FAM153A: variants seen among roughly 807,000 people sequenced by gnomAD.
FAM153A encodes protein FAM153A.
Under a neutral mutation model 48.1 loss-of-function variants are expected in FAM153A, and 12 were observed. The observed-to-expected ratio is 0.25, with a 90% confidence interval of 0.16 to 0.40. The LOEUF (loss-of-function observed/expected upper bound fraction) is 0.40, where lower values mean the gene tolerates loss of function less well. Ranked by LOEUF, FAM153A falls within the 10% of genes least tolerant of loss-of-function variation. FAM153A has a pLI of 1.00. For missense variants in FAM153A, 111 were observed against 345.8 expected (o/e 0.32, Z 5.38); for synonymous variants, 36 against 118.2 (o/e 0.30, Z 4.51).
chr5:177,773,017 A>C lies in FAM153A; in HGVS notation c.-57+7432T>G, dbSNP rs1254161181. On this transcript the variant is annotated intron_variant, in intron 1 of 8. Transcript: ENST00000393518. Reference sequence around the variant, plus strand: ...GGGGCACACTGACACCTCACAAGGCAGGGTATTCCAACAGACGTGCAGCTG... The same window carrying C: ...GGGGCACACTGACACCTCACAAGGCCGGGTATTCCAACAGACGTGCAGCTG... Among the ~76,000 whole-genome samples the C allele has an allele frequency of 4.6e-4, 21 of 45,786 alleles. 7 individuals carry two copies. The highest frequency in any genetic ancestry group is 1.3e-3 in the African/African-American group (21 of 16,354). The allele number at this position is 45,786 out of a possible 152,430, so 30.0% of individuals were successfully genotyped here. A position where few individuals can be genotyped will look rare whatever the true frequency, so the allele number is the denominator to read the frequency against.
In FAM153A at chr5:177,741,363, T is replaced by C. The variant is rs762408233; in HGVS notation, c.365-31A>G. 2.1e-5 allele frequency: 10 copies of C among 485,170 alleles called. 1 individual carries two copies. The highest frequency in any genetic ancestry group is 3.2e-5 in the Non-Finnish European group (10 of 317,090). The allele number at this position is 485,170 out of a possible 1,614,324, so 30.1% of individuals were successfully genotyped here. A position where few individuals can be genotyped will look rare whatever the true frequency, so the allele number is the denominator to read the frequency against. ...AAACACAGAGTAATTGTCAGCACGT[T>C]GGGTGCACTGAAGGAATCCGTCAGG... On this transcript the variant is annotated intron_variant, in intron 6 of 20. Transcript: ENST00000614127.
chr5:177,699,082 C>T, the FAM153A span, among the ~76,000 whole-genome samples: 1,976 of 151,836 alleles, frequency 0.013, 96 homozygotes, highest in African/African-American at 0.046. Flanking sequence ...TCTACAGGTA[C>T]ATGCTTCTGC....
chr5:177,715,703 TGTTA>T (rs1045472671), intron 25 of FAM153A, among the ~76,000 whole-genome samples: 4 of 151,798 alleles, frequency 2.6e-5, no homozygotes, highest in African/African-American at 9.7e-5. Context: ...ACACTTTTTT[TGTTA>T]GTTTTTTTTG....
chr5:177,709,615 C>T (rs1186937010), downstream of FAM153A, among the ~76,000 whole-genome samples: 1 of 148,572 alleles, frequency 6.7e-6, no homozygotes. Context: ...CCCGCCTCGG[C>T]CTCCCAAAGT....
At chr5:177,716,478 C>T (rs1187862100) in intron 24 of FAM153A, 1 of 151,778 alleles carries the variant, frequency 6.6e-6, no homozygotes, top group African/African-American at 2.4e-5. Flanking sequence ...CTGTCATTTT[C>T]CTACTAAATT....
In FAM153A at chr5:177,729,558, A is replaced by G; in HGVS notation, c.863-3T>C. The G allele has an allele frequency of 2.5e-6, 4 of 1,609,082 alleles. No individual in the cohort carries two copies. The highest frequency in any genetic ancestry group is 3.4e-6 in the Non-Finnish European group (4 of 1,179,580). ...CTCCTCCAGGTCTTCCAGGTCACCT[A>G]GGAAACAGAGTCGCTATAAGCACAT... On this transcript the variant is annotated splice_polypyrimidine_tract_variant and splice_region_variant and intron_variant, in intron 16 of 20. Transcript: ENST00000614127.
exon 10 of FAM153A, chr5:177,739,131 C>T (rs3752841): frequency 1.4e-4 from 233 of 1,612,588 alleles, no homozygotes; most frequent in South Asian, 8.9e-4. Flanking sequence ...TGGGTGCCTG[C>T]GTCTGCCTGC....
chr5:177,730,207 G>A lies in FAM153A; in HGVS notation c.863-652C>T, dbSNP rs1205112572. Among the ~76,000 whole-genome samples, 26 of 113,372 alleles carry A rather than the reference G, an allele frequency of 2.3e-4. 2 individuals are homozygous for A. The highest frequency in any genetic ancestry group is 7.2e-4 in the African/African-American group (25 of 34,890). 74.4% of individuals were successfully genotyped at this position (113,372 alleles called of 152,430 possible). On this transcript the variant is annotated intron_variant, in intron 16 of 20. Transcript: ENST00000614127. ...ATGCTCACACTGACTCCAGCACTGG[G>A]ACAGCCTGTCATGGGGAGCAGCGAG...
chr5:177,781,614 C>A (rs1280585632), upstream of FAM153A: 1 of 58,704 alleles, frequency 1.7e-5, no homozygotes, highest in Non-Finnish European at 3.6e-5. Flanking sequence ...TTCTAAGAAC[C>A]TTCAGTAAAG....
the FAM153A span, among the ~76,000 whole-genome samples, chr5:177,701,964 G>A: frequency 2.6e-5 from 4 of 151,124 alleles, no homozygotes; most frequent in Non-Finnish European, 5.9e-5. Context: ...CGGGAGTGCA[G>A]TGGCGCAATC....
intron 1 of FAM153A, among the ~76,000 whole-genome samples, chr5:177,766,670 T>C (rs1768782922): frequency 2.3e-5 from 2 of 88,008 alleles, no homozygotes; most frequent in African/African-American, 8.6e-5. Flanking sequence ...CCTAAAGCCT[T>C]TGATGGTAAA....
intron 14 of FAM153A, among the ~76,000 whole-genome samples, chr5:177,733,663 T>C (rs1764221866): frequency 6.6e-6 from 1 of 151,536 alleles, no homozygotes; most frequent in African/African-American, 2.4e-5. Flanking sequence ...CCACTCTCCC[T>C]GCTCAAGATG....
At chr5:177,781,170 C>A, upstream of FAM153A, among the ~76,000 whole-genome samples, 1 of 112,430 alleles carries the variant, frequency 8.9e-6, no homozygotes, top group Non-Finnish European at 1.8e-5. Context: ...TGGATGGCGG[C>A]TCACTGCAAG....
intron 9 of FAM153A, 116 bp downstream of exon 11, chr5:177,739,484 C>T: frequency 9.3e-7 from 1 of 1,080,562 alleles, no homozygotes; most frequent in South Asian, 1.6e-5. Flanking sequence ...CCAAGAAATT[C>T]TGTAAGTCAT....
the FAM153A span, among the ~76,000 whole-genome samples, chr5:177,698,045 G>C: frequency 6.6e-6 from 1 of 151,122 alleles, no homozygotes; most frequent in Non-Finnish European, 1.5e-5. Flanking sequence ...TTGTGTTCCT[G>C]AGGTAAGTAA....
intron 13 of FAM153A, among the ~76,000 whole-genome samples, 186 bp downstream of exon 15, chr5:177,734,677 T>G (rs1445288238): frequency 6.7e-6 from 1 of 149,118 alleles, no homozygotes; most frequent in African/African-American, 2.6e-5. Flanking sequence ...AGGTGACTGA[T>G]GCTGTCATTT....
chr5:177,707,218 A>G (rs1372456595), downstream of FAM153A, among the ~76,000 whole-genome samples: 10 of 151,918 alleles, frequency 6.6e-5, no homozygotes, highest in Admixed American at 6.6e-4. Flanking sequence ...TTCACCCACC[A>G]ACTGCAGAAT....
At chr5:177,740,899 A>G (rs1471619558) in intron 7 of FAM153A, 98 bp from the exon 10 acceptor site, 2 of 437,846 alleles carry the variant, frequency 4.6e-6, no homozygotes, top group African/African-American at 2.3e-5. Flanking sequence ...AGAAAACCCA[A>G]TGGAAATAGT....
At chr5:177,697,278 C>T in the FAM153A span, among the ~76,000 whole-genome samples, 7 of 151,342 alleles carry the variant, frequency 4.6e-5, no homozygotes, top group East Asian at 1.9e-4. Context: ...GAAAAATAAT[C>T]GATTTTTGTG....
Sources: allele counts gnomAD v4.1 joint callset (sites outside exome capture counted in the v4.1 genomes callset), GRCh38; gene constraint gnomAD v4.1.1; transcripts MANE v1.5; gene names NCBI Gene and HGNC (gene_info 2026-07-23, HGNC 2026-07-21).